SLC5A3: variants seen among roughly 807,000 people sequenced by gnomAD.
SLC5A3 encodes the protein solute carrier family 5 member 3.
A neutral mutation model predicts 43.2 loss-of-function variants in SLC5A3; 10 were observed. The ratio of observed to expected loss-of-function variants is 0.23; its 90% CI spans 0.14 to 0.39. SLC5A3 has a LOEUF of 0.39. Ranked by LOEUF, SLC5A3 falls within the 10% of genes least tolerant of loss-of-function variation. SLC5A3 has a pLI of 1.00. For missense variants in SLC5A3, 608 were observed against 893.4 expected, an observed-to-expected ratio of 0.68 and a Z score of 4.07; for synonymous variants, 349 against 322.0, an observed-to-expected ratio of 1.08 and a Z score of -0.90.
chr21:34,094,494 A>T (rs1446478879), intron 1 of SLC5A3, among the ~76,000 whole-genome samples: 2 of 152,230 alleles, frequency 1.3e-5, no homozygotes, highest in East Asian at 1.9e-4. Context: ...TATTACGAAT[A>T]TAATTAGTGT....
Position 34,095,281 on chromosome 21 carries a change from T to C in SLC5A3, c.83T>C (p.Met28Thr). ...ILVMCIGFFA[M>T]WKSNRSTVSG... is the part of the protein sequence containing the mutation. Reference sequence around the variant, plus strand: ...GTCATGTGCATTGGTTTTTTTGCCATGTGGAAATCTAATAGAAGCACCGTG... The same window carrying C: ...GTCATGTGCATTGGTTTTTTTGCCACGTGGAAATCTAATAGAAGCACCGTG... The change falls in exon 2 of 2, where the codon ATG becomes ACG. Residue 28 changes from methionine to threonine, a missense_variant. Coordinates refer to ENST00000381151, the MANE Select transcript of SLC5A3 (RefSeq NM_006933.7). 1.2e-6 allele frequency: 2 copies of C among 1,614,178 alleles called. No individual in the cohort carries two copies. Among genetic ancestry groups the C allele is most frequent in the Non-Finnish European group, 8.5e-7 (1 of 1,179,996 alleles).
In SLC5A3 at chr21:34,101,219, T is replaced by C; in HGVS notation, c.*3864T>C. The C allele has an allele frequency of 1.0e-6, 1 of 1,000,034 alleles. No homozygotes were observed. The highest frequency in any genetic ancestry group is 1.7e-5 in the African/African-American group (1 of 57,332). The allele number at this position is 1,000,034 out of a possible 1,614,324, so 61.9% of individuals were successfully genotyped here. A position where few individuals can be genotyped will look rare whatever the true frequency, so the allele number is the denominator to read the frequency against. On this transcript the variant is annotated 3_prime_UTR_variant, in exon 2 of 2. Transcript: ENST00000381151. ...AACAAATATTAGCTTAAAATCTGCA[T>C]ATGTAGAATCATTTTCATTAGATTT...
chr21:34,084,119 TA>T (rs1989518890), intron 1 of SLC5A3, among the ~76,000 whole-genome samples: 1 of 148,434 alleles, frequency 6.7e-6, no homozygotes, highest in South Asian at 2.1e-4. Context: ...TTTGTGGTCT[TA>T]CTTCTTACTT....
At chr21:34,093,109 C>T (rs539264530) in intron 1 of SLC5A3, among the ~76,000 whole-genome samples, 3 of 152,194 alleles carry the variant, frequency 2.0e-5, no homozygotes, top group Admixed American at 1.3e-4. Context: ...TTAGATGATT[C>T]GTCCTACATA....
At chr21:34,085,507 G>T (rs1011142784) in intron 1 of SLC5A3, among the ~76,000 whole-genome samples, 1 of 151,878 alleles carries the variant, frequency 6.6e-6, no homozygotes, top group Non-Finnish European at 1.5e-5. Context: ...TTTAGCATCT[G>T]TTGGTGACTG....
intron 1 of SLC5A3, among the ~76,000 whole-genome samples, chr21:34,083,748 T>C (rs1453337767): frequency 6.6e-6 from 1 of 152,260 alleles, no homozygotes; most frequent in Non-Finnish European, 1.5e-5. Flanking sequence ...CTCATGGGAA[T>C]GCCATTCTCA....
Position 34,096,885 on chromosome 21 carries a change from G to A in SLC5A3, c.1687G>A (p.Glu563Lys), listed in dbSNP as rs1978987725. The A allele has an allele frequency of 6.2e-7, 1 of 1,614,024 alleles. No individual in the cohort carries two copies. Among genetic ancestry groups the A allele is most frequent in the African/African-American group, 1.3e-5 (1 of 75,002 alleles). Reference sequence around the variant, plus strand: ...GAAGGAGAACTGCTCCCCAAAAGAGGAACCATACAAAATGCAAGAAAAGAG... The same window carrying A: ...GAAGGAGAACTGCTCCCCAAAAGAGAAACCATACAAAATGCAAGAAAAGAG... ...VVKENCSPKEEPYKMQEKSIL... is the reference protein window; with the variant it reads ...VVKENCSPKEKPYKMQEKSIL... The change falls in exon 2 of 2, where the codon GAA becomes AAA. Residue 563 changes from glutamate (E) to lysine (K), a missense_variant. Physicochemically the swap from Glu to Lys is moderately conservative, Grantham distance 56 (BLOSUM62 1). Coordinates refer to ENST00000381151, the MANE Select transcript of SLC5A3 (RefSeq NM_006933.7). This position sits in a 1 kb window ranked among gnomAD's most constrained non-coding sequence, Gnocchi z 5.9.
Position 34,095,081 on chromosome 21 carries a change from G to C in SLC5A3, c.-118G>C. On this transcript the variant is annotated 5_prime_UTR_variant, in exon 2 of 2. Coordinates refer to ENST00000381151, the MANE Select transcript of SLC5A3 (RefSeq NM_006933.7). ...AAAGGACAAAGACTTTGACCCTGCT[G>C]TGTTGCTCTGTGTAGTCCAGTTCAC... 1.5e-6 allele frequency: 2 copies of C among 1,322,948 alleles called. No individual in the cohort carries two copies. Among genetic ancestry groups the C allele is most frequent in the South Asian group, 1.5e-5 (1 of 67,340 alleles). 82.0% of individuals were successfully genotyped at this position (1,322,948 alleles called of 1,614,324 possible).
rs946644045 is a variant in SLC5A3, at chr21:34,097,863, T to C, written c.*508T>C. On this transcript the variant is annotated 3_prime_UTR_variant, in exon 2 of 2. Transcript: ENST00000381151. Reference sequence around the variant, plus strand: ...TGTGTGATACTTGTTTCAGGACAAGTTCATTTGCCAGGTTCATTTTGTTAG... The same window carrying C: ...TGTGTGATACTTGTTTCAGGACAAGCTCATTTGCCAGGTTCATTTTGTTAG... The C allele has an allele frequency of 1.9e-5, 19 of 997,146 alleles. No homozygotes were observed. In the African/African-American group the frequency reaches 3.1e-4, roughly 17 times the overall value. 61.8% of individuals were successfully genotyped at this position (997,146 alleles called of 1,614,324 possible).
In SLC5A3 at chr21:34,105,287, G is replaced by A. The variant is rs1207600252; in HGVS notation, c.*7932G>A. The A allele has an allele frequency of 7.0e-6, 7 of 1,000,032 alleles. No homozygotes were observed. The highest frequency in any genetic ancestry group is 8.4e-6 in the Non-Finnish European group (7 of 829,800). 61.9% of individuals were successfully genotyped at this position (1,000,032 alleles called of 1,614,324 possible). A position where few individuals can be genotyped will look rare whatever the true frequency, so the allele number is the denominator to read the frequency against. ...ATGTTGGCAATCATGTATGAACTGT[G>A]TTATACTTCTCAGTGCTTTCTTTTT... is the stretch of plus-strand genomic sequence containing the variant. On this transcript the variant is annotated 3_prime_UTR_variant, in exon 2 of 2. Transcript: ENST00000381151.
chr21:34,083,269 A>G (rs1209104971), intron 1 of SLC5A3, among the ~76,000 whole-genome samples: 1 of 152,206 alleles, frequency 6.6e-6, no homozygotes, highest in East Asian at 1.9e-4. Flanking sequence ...TGCTGGGAAG[A>G]TGCTCTTGCA....
At chr21:34,091,402 T>A (rs558017608) in intron 1 of SLC5A3, among the ~76,000 whole-genome samples, 63 of 152,314 alleles carry the variant, frequency 4.1e-4, no homozygotes, top group African/African-American at 1.5e-3. Context: ...TCCTGCTGTT[T>A]ACATATAGTT....
At chr21:34,085,649 G>A (rs1299482850) in intron 1 of SLC5A3, among the ~76,000 whole-genome samples, 1 of 144,206 alleles carries the variant, frequency 6.9e-6, no homozygotes, top group Non-Finnish European at 1.5e-5. Context: ...CGCCCAAGCT[G>A]GAGTGCCAGT....
rs1282241482 is a variant in SLC5A3, at chr21:34,073,626, C to G, written c.-456C>G. 5.2e-6 allele frequency: 7 copies of G among 1,346,708 alleles called. No individual in the cohort carries two copies. The Admixed American group carries it at 1.2e-4, about 23-fold the overall frequency. The allele number at this position is 1,346,708 out of a possible 1,614,324, so 83.4% of individuals were successfully genotyped here. A position where few individuals can be genotyped will look rare whatever the true frequency, so the allele number is the denominator to read the frequency against. ...CGGCGCAGCAGTTTCTAGGTCCCCACTGTCCCCGCCGTCCCGCCCCTTCGC... is the reference window on the plus strand; with the variant it reads ...CGGCGCAGCAGTTTCTAGGTCCCCAGTGTCCCCGCCGTCCCGCCCCTTCGC... On this transcript the variant is annotated 5_prime_UTR_variant, in exon 1 of 2. Transcript: ENST00000381151.
In SLC5A3 at chr21:34,095,345, A is replaced by G. The variant is rs745648176; in HGVS notation, c.147A>G (p.Val49=). The part of the protein sequence containing the change: ...YFLAGRSMTW[V]AIGASLFVSN... ...TGGCGGGGCGCTCTATGACCTGGGT[A>G]GCAATTGGTGCCTCTCTGTTTGTGA... The change falls in exon 2 of 2, where the codon GTA becomes GTG. Residue 49 remains valine (V), a synonymous_variant. Coordinates refer to ENST00000381151, the MANE Select transcript of SLC5A3 (RefSeq NM_006933.7). 6.2e-7 allele frequency: 1 copy of G among 1,614,134 alleles called. No individual in the cohort carries two copies. Among genetic ancestry groups the G allele is most frequent in the South Asian group, 1.1e-5 (1 of 91,092 alleles).
At position 34,099,285 on chromosome 21, in the gene SLC5A3, T is replaced by C. The variant is rs1201963175; in HGVS notation, c.*1930T>C. On this transcript the variant is annotated 3_prime_UTR_variant, in exon 2 of 2. Transcript: ENST00000381151. ...TTGTTTGGAAGTTGAGGCTGCGACA[T>C]GTCCAAGGTTATGAAGTCTCTTTTG... The C allele has an allele frequency of 1.0e-6, 1 of 1,000,138 alleles. No homozygotes were observed. The highest frequency in any genetic ancestry group is 1.7e-5 in the African/African-American group (1 of 57,224). The allele number at this position is 1,000,138 out of a possible 1,614,324, so 62.0% of individuals were successfully genotyped here.
rs1308882638 is a variant in SLC5A3 at position 34,105,696 on chromosome 21, T to C, written c.*8341T>C. On this transcript the variant is annotated 3_prime_UTR_variant, in exon 2 of 2. Transcript: ENST00000381151. Reference sequence around the variant, plus strand: ...GAACATTAATTTTGTTATTAGTGAGTTTTTTGAATTGTAAATGGATTTCCA... The same window carrying C: ...GAACATTAATTTTGTTATTAGTGAGCTTTTTGAATTGTAAATGGATTTCCA... 1 of 998,586 alleles carries C rather than the reference T, an allele frequency of 1.0e-6. No homozygotes were observed. The highest frequency in any genetic ancestry group is 1.7e-5 in the African/African-American group (1 of 57,194). The allele number at this position is 998,586 out of a possible 1,614,324, so 61.9% of individuals were successfully genotyped here.
intron 1 of SLC5A3, among the ~76,000 whole-genome samples, chr21:34,083,635 CAT>C (rs1172767210): frequency 1.3e-5 from 2 of 152,166 alleles, no homozygotes; most frequent in African/African-American, 4.8e-5. Context: ...TGTTAATAGT[CAT>C]ATGAGAAAAC....
chr21:34,104,030 C>T lies in SLC5A3; in HGVS notation c.*6675C>T, dbSNP rs1168394876. 1 of 999,902 alleles carries T rather than the reference C, an allele frequency of 1.0e-6. No individual in the cohort carries two copies. Among genetic ancestry groups the T allele is most frequent in the Non-Finnish European group, 1.2e-6 (1 of 829,898 alleles). 61.9% of individuals were successfully genotyped at this position (999,902 alleles called of 1,614,324 possible). On this transcript the variant is annotated 3_prime_UTR_variant, in exon 2 of 2. Transcript: ENST00000381151. ...AATATTACCTCTTAACAGTGCCCCC[C>T]CAAACATGCAGAAAGTCATACTTTA... is the stretch of plus-strand genomic sequence containing the variant.
Sources: allele counts gnomAD v4.1 joint callset (sites outside exome capture counted in the v4.1 genomes callset), GRCh38; gene constraint gnomAD v4.1.1; non-coding constraint Gnocchi (gnomAD v3.1); transcripts MANE v1.5; gene names NCBI Gene and HGNC (gene_info 2026-07-23, HGNC 2026-07-21).